The following TBC1D32 variants were observed in gnomAD, a reference collection of about 807,000 sequenced individuals.
The protein encoded by TBC1D32 is protein broad-minded.
In TBC1D32, 151 loss-of-function variants were observed where a neutral mutation model predicts 170.3. That is an observed-to-expected ratio of 0.89 (90% CI 0.78 to 1.01). The LOEUF (loss-of-function observed/expected upper bound fraction) is 1.01, where lower values mean the gene tolerates loss of function less well. Ranked by LOEUF, TBC1D32 falls within the 50% of genes least tolerant of loss-of-function variation. The pLI, the probability that TBC1D32 is intolerant of heterozygous loss-of-function variation, is 0.00. For missense variants in TBC1D32, 1,464 were observed against 1,457.1 expected, an observed-to-expected ratio of 1.00 and a Z score of -0.08; for synonymous variants, 498 against 488.0, an observed-to-expected ratio of 1.02 and a Z score of -0.27.
chr6:121,247,201 T>A (rs1190522724), intron 17 of TBC1D32, among the ~76,000 whole-genome samples: 1 of 152,022 alleles, frequency 6.6e-6, no homozygotes, highest in Non-Finnish European at 1.5e-5. Flanking sequence ...TGTCAGCCAA[T>A]AATTTTGTAT....
chr6:121,120,929 A>G (rs1780191703), intron 26 of TBC1D32, among the ~76,000 whole-genome samples: 1 of 151,982 alleles, frequency 6.6e-6, no homozygotes, highest in African/African-American at 2.4e-5. Context: ...ATTATGTGTA[A>G]ATAAATATAG....
intron 20 of TBC1D32, among the ~76,000 whole-genome samples, chr6:121,238,831 T>C (rs1207206672): frequency 6.6e-6 from 1 of 152,068 alleles, no homozygotes; most frequent in Admixed American, 6.6e-5. Flanking sequence ...AAAACTTTAA[T>C]AGACATAAAG....
At chr6:121,331,615 A>G (rs1440785614) in intron 1 of TBC1D32, among the ~76,000 whole-genome samples, 1 of 152,174 alleles carries the variant, frequency 6.6e-6, no homozygotes, top group Non-Finnish European at 1.5e-5. Context: ...GTGGAGGTGG[A>G]AAAATGAGTA....
intron 17 of TBC1D32, 50 bp downstream of exon 17, chr6:121,255,278 T>C (rs753776008): frequency 1.7e-6 from 2 of 1,169,798 alleles, no homozygotes; most frequent in South Asian, 3.2e-5. Flanking sequence ...TAATTTTAAA[T>C]TTATTTCAGC....
intron 22 of TBC1D32, among the ~76,000 whole-genome samples, chr6:121,174,954 C>G (rs186000319): frequency 9.4e-4 from 143 of 151,536 alleles, no homozygotes; most frequent in Non-Finnish European, 1.9e-3. Context: ...ATCACCTGAG[C>G]CCAGGGGGTC....
At chr6:121,253,139 CA>C (rs201680742) in intron 17 of TBC1D32, among the ~76,000 whole-genome samples, 208 of 151,536 alleles carry the variant, frequency 1.4e-3, no homozygotes, top group African/African-American at 4.9e-3. Flanking sequence ...TTCTGCACAG[CA>C]AAAAAAATAA....
At chr6:121,329,073 CT>C (rs1270318674) in intron 1 of TBC1D32, among the ~76,000 whole-genome samples, 1 of 152,180 alleles carries the variant, frequency 6.6e-6, no homozygotes, top group Non-Finnish European at 1.5e-5. Context: ...AGCAATGTGT[CT>C]GATTATTCAT....
intron 11 of TBC1D32, among the ~76,000 whole-genome samples, chr6:121,293,639 C>T (rs565019939): frequency 2.0e-5 from 3 of 152,260 alleles, no homozygotes; most frequent in South Asian, 4.1e-4. Flanking sequence ...CTGCAGGGCG[C>T]GGTGGCTCAT....
chr6:121,200,899 G>C (rs761345717), intron 22 of TBC1D32, among the ~76,000 whole-genome samples: 1 of 151,234 alleles, frequency 6.6e-6, no homozygotes, highest in African/African-American at 2.5e-5. Context: ...TAACCTCCTC[G>C]GAGCATTAGT....
chr6:121,197,171 A>G (rs1790844598), intron 22 of TBC1D32, among the ~76,000 whole-genome samples: 1 of 152,190 alleles, frequency 6.6e-6, no homozygotes, highest in African/African-American at 2.4e-5. Flanking sequence ...TCCATAATGA[A>G]TGTAAGGAAG....
At chr6:121,259,502 T>C (rs377069972) in intron 15 of TBC1D32, among the ~76,000 whole-genome samples, 1 of 152,290 alleles carries the variant, frequency 6.6e-6, no homozygotes, top group African/African-American at 2.4e-5. Flanking sequence ...TAAAGACCTC[T>C]AGTGAAATAT....
chr6:121,159,601 G>A (rs568454534), intron 24 of TBC1D32, among the ~76,000 whole-genome samples: 5 of 151,998 alleles, frequency 3.3e-5, no homozygotes, highest in African/African-American at 1.2e-4. Context: ...AACCTAGAGG[G>A]TATAGTCTAA....
intron 24 of TBC1D32, among the ~76,000 whole-genome samples, chr6:121,143,724 G>T (rs1487878150): frequency 6.6e-6 from 1 of 152,216 alleles, no homozygotes; most frequent in East Asian, 1.9e-4. Flanking sequence ...GCTACCTTAA[G>T]CATAGTATTT....
chr6:121,089,366 A>C (rs1776575572), intron 31 of TBC1D32, among the ~76,000 whole-genome samples: 2 of 152,166 alleles, frequency 1.3e-5, no homozygotes. Flanking sequence ...ATAAGATGTT[A>C]GAGAATTATG....
At chr6:121,148,622 C>CT (rs564922349) in intron 24 of TBC1D32, among the ~76,000 whole-genome samples, 8 of 148,434 alleles carry the variant, frequency 5.4e-5, no homozygotes, top group African/African-American at 7.4e-5. Context: ...GTCCCTATTT[C>CT]TTTTTTTTTT....
intron 30 of TBC1D32, among the ~76,000 whole-genome samples, chr6:121,092,211 C>T (rs1208462400): frequency 3.4e-5 from 5 of 147,984 alleles, no homozygotes; most frequent in African/African-American, 1.2e-4. Flanking sequence ...CCAATATTTT[C>T]ATTTTCATTT....
In TBC1D32 at chr6:121,205,170, AAGAC is replaced by A. The variant is rs1394991216; in HGVS notation, c.2482-11_2482-8del. ...TAAGTCTATCAATAATATCCTGAAAAAGACAGACAAAATGAGACTGTATTTAACT... is the reference window on the plus strand; with the variant it reads ...TAAGTCTATCAATAATATCCTGAAAAAGACAAAATGAGACTGTATTTAACT... On this transcript the variant is annotated splice_region_variant and splice_polypyrimidine_tract_variant and intron_variant, in intron 21 of 31. Transcript: ENST00000398212. 2 of 1,335,894 alleles carry A rather than the reference AAGAC, an allele frequency of 1.5e-6. No individual in the cohort carries two copies. The highest frequency in any genetic ancestry group is 1.4e-5 in the South Asian group (1 of 71,280). The allele number at this position is 1,335,894 out of a possible 1,614,324, so 82.8% of individuals were successfully genotyped here.
intron 24 of TBC1D32, among the ~76,000 whole-genome samples, chr6:121,143,696 T>A (rs1783083159): frequency 6.6e-6 from 1 of 152,202 alleles, no homozygotes; most frequent in African/African-American, 2.4e-5. Context: ...TTAAAATAAC[T>A]TTGGTGTCTT....
At position 121,313,376 on chromosome 6, in the gene TBC1D32, C is replaced by A. The variant is rs1309492068; in HGVS notation, c.496-2529G>T. 6.6e-5 allele frequency among the ~76,000 whole-genome samples: 10 copies of A among 151,118 alleles called. No individual in the cohort carries two copies. The East Asian group carries it at 2.0e-3, about 29-fold the overall frequency. ...TTGGCTCACTGCAACCTCCACCACC[C>A]GAGTTCAAGTGATTCTTCTGCCTCA... On this transcript the variant is annotated intron_variant, in intron 3 of 31. Coordinates refer to ENST00000398212, the MANE Select transcript of TBC1D32 (RefSeq NM_152730.6).
Sources: allele counts gnomAD v4.1 joint callset (sites outside exome capture counted in the v4.1 genomes callset), GRCh38; gene constraint gnomAD v4.1.1; transcripts MANE v1.5; gene names NCBI Gene and HGNC (gene_info 2026-07-23, HGNC 2026-07-21).